The following DTNA variants were observed in gnomAD, a reference collection of about 807,000 sequenced individuals.
DTNA encodes dystrophin-related protein 3.
Under a neutral mutation model 100.7 loss-of-function variants are expected in DTNA, and 43 were observed. That is an observed-to-expected ratio of 0.43 (90% CI 0.33 to 0.55). The LOEUF (loss-of-function observed/expected upper bound fraction) is 0.55. Ranked by LOEUF, DTNA falls within the 20% of genes least tolerant of loss-of-function variation. DTNA has a pLI of 0.04. For synonymous variants in DTNA, 349 were observed against 347.9 expected (o/e 1.00, Z -0.04); for missense variants, 798 against 953.9 (o/e 0.84, Z 2.15).
intron 1 of DTNA, among the ~76,000 whole-genome samples, chr18:34,509,663 A>C (rs113999816): frequency 0.015 from 2,329 of 152,248 alleles, 66 homozygotes; most frequent in African/African-American, 0.054. Context: ...ATTTCAAATC[A>C]TCTAGCTGTT....
At chr18:34,603,155 C>G (rs1176317112) in intron 1 of DTNA, among the ~76,000 whole-genome samples, 2 of 151,568 alleles carry the variant, frequency 1.3e-5, no homozygotes, top group African/African-American at 4.8e-5. Context: ...GAGTTTGAGG[C>G]AGTAGTGTTT....
At chr18:34,506,817 T>G (rs2040537889) in intron 1 of DTNA, among the ~76,000 whole-genome samples, 1 of 152,212 alleles carries the variant, frequency 6.6e-6, no homozygotes, top group South Asian at 2.1e-4. Flanking sequence ...TCTTTGTATG[T>G]TTATTTAATA....
At chr18:34,797,210 T>C (rs1356959290) in intron 4 of DTNA, among the ~76,000 whole-genome samples, 1 of 152,198 alleles carries the variant, frequency 6.6e-6, no homozygotes, top group African/African-American at 2.4e-5. Flanking sequence ...AAAATGGCTG[T>C]ATTCCTGGGA....
chr18:34,621,838 T>A (rs1251134822), intron 1 of DTNA, among the ~76,000 whole-genome samples: 1 of 152,198 alleles, frequency 6.6e-6, no homozygotes, highest in Non-Finnish European at 1.5e-5. Flanking sequence ...AAAAAATAAG[T>A]ATATGAAGTG....
At chr18:34,533,168 C>G (rs1568603465) in intron 1 of DTNA, among the ~76,000 whole-genome samples, 1 of 151,452 alleles carries the variant, frequency 6.6e-6, no homozygotes, top group Non-Finnish European at 1.5e-5. Context: ...GTCAGAAGTT[C>G]ACGACCAGCC....
intron 1 of DTNA, among the ~76,000 whole-genome samples, chr18:34,530,011 G>A (rs1000559795): frequency 6.6e-6 from 1 of 152,114 alleles, no homozygotes. Context: ...ATGATAGTGT[G>A]TACCTTTCAT....
At chr18:34,538,972 C>T (rs931618625) in intron 1 of DTNA, among the ~76,000 whole-genome samples, 1 of 151,778 alleles carries the variant, frequency 6.6e-6, no homozygotes, top group African/African-American at 2.4e-5. Flanking sequence ...ATACCACACT[C>T]AGAGAAAAAT....
intron 1 of DTNA, among the ~76,000 whole-genome samples, chr18:34,502,264 T>A (rs2040006173): frequency 6.6e-6 from 1 of 152,222 alleles, no homozygotes; most frequent in African/African-American, 2.4e-5. Context: ...CTCTCTTTTC[T>A]GTCAGTTTTG....
In DTNA at chr18:34,765,917, C is replaced by T. The variant is rs770357805; in HGVS notation, c.68-44C>T. 22 of 1,584,078 alleles carry T rather than the reference C, an allele frequency of 1.4e-5. No homozygotes were observed. In the East Asian group the frequency reaches 4.5e-4, roughly 32 times the overall value. On this transcript the variant is annotated intron_variant, in intron 2 of 22. Coordinates refer to ENST00000444659, the MANE Select transcript of DTNA (RefSeq NM_001386795.1). Reference sequence around the variant, plus strand: ...ATTTGTAAACATTGTAAATTTCTTTCTGCACACATGGCATACCTTATGTGT... The same window carrying T: ...ATTTGTAAACATTGTAAATTTCTTTTTGCACACATGGCATACCTTATGTGT...
intron 1 of DTNA, among the ~76,000 whole-genome samples, chr18:34,733,702 C>A (rs2088863583): frequency 6.6e-6 from 1 of 152,178 alleles, no homozygotes; most frequent in Non-Finnish European, 1.5e-5. Flanking sequence ...ATCTTCTGGA[C>A]CCTCCCAGCT....
Position 34,838,826 on chromosome 18 carries a change from C to A in DTNA, c.1335C>A (p.Asn445Lys). Residue 445 changes from asparagine to lysine, a missense_variant, in exon 13 of 23, where the codon AAC becomes AAA. By Grantham distance (94) the Asn-to-Lys change is moderately conservative. This residue lies in a region of DTNA where 159 missense variants were observed against 201.2 expected (regional missense o/e 0.79). Transcript: ENST00000444659. ...LIGLYVNMLR[N>K]NPSCMLESSN... ...GGTTGTATGTCAACATGCTCCGGAA[C>A]AACCCCTCATGGTTAGTGCAGGTTT... is the stretch of plus-strand genomic sequence containing the variant. The A allele has an allele frequency of 1.2e-6, 2 of 1,613,618 alleles. No homozygotes were observed. The highest frequency in any genetic ancestry group is 1.7e-6 in the Non-Finnish European group (2 of 1,179,660).
intron 1 of DTNA, among the ~76,000 whole-genome samples, chr18:34,543,878 A>G (rs991672283): frequency 1.3e-5 from 2 of 152,120 alleles, no homozygotes; most frequent in Non-Finnish European, 2.9e-5. Context: ...ACCCATAAAA[A>G]TGAGAAAAAT....
At chr18:34,499,328 A>G (rs781118310) in intron 1 of DTNA, among the ~76,000 whole-genome samples, 2 of 152,194 alleles carry the variant, frequency 1.3e-5, no homozygotes, top group Non-Finnish European at 2.9e-5. Context: ...ACTGCATTTT[A>G]TTGCTGAATA....
At chr18:34,753,759 A>G (rs1379743397) in intron 1 of DTNA, among the ~76,000 whole-genome samples, 1 of 152,122 alleles carries the variant, frequency 6.6e-6, no homozygotes, top group South Asian at 2.1e-4. Flanking sequence ...TCTATCCTCT[A>G]TCTCTCTTAC....
chr18:34,690,621 A>G (rs2079616444), intron 1 of DTNA, among the ~76,000 whole-genome samples: 1 of 152,188 alleles, frequency 6.6e-6, no homozygotes, highest in Non-Finnish European at 1.5e-5. Flanking sequence ...ACTTGTTCTC[A>G]AGTAATTCAG....
chr18:34,512,194 G>A (rs1365531579), intron 1 of DTNA, among the ~76,000 whole-genome samples: 1 of 151,902 alleles, frequency 6.6e-6, no homozygotes, highest in Non-Finnish European at 1.5e-5. Flanking sequence ...TGTGTTATGG[G>A]ACAGCAATGT....
intron 1 of DTNA, among the ~76,000 whole-genome samples, chr18:34,642,663 A>G (rs1276052224): frequency 6.6e-6 from 1 of 151,416 alleles, no homozygotes; most frequent in Non-Finnish European, 1.5e-5. Flanking sequence ...GGTTCAAGCA[A>G]CTCTTCTGCC....
chr18:34,628,562 C>T (rs1171767435), intron 1 of DTNA, among the ~76,000 whole-genome samples: 4 of 152,152 alleles, frequency 2.6e-5, no homozygotes. Context: ...ATAAATCTTG[C>T]TTGATGCCTT....
At position 34,775,543 on chromosome 18, in the gene DTNA, G is replaced by A. The variant is rs139190564; in HGVS notation, c.148+9502G>A. On this transcript the variant is annotated intron_variant, in intron 3 of 22. Coordinates refer to ENST00000444659, the MANE Select transcript of DTNA (RefSeq NM_001386795.1). ...AAGCAGAGAGTTTTATCTGGCAGCC[G>A]TAGAAGAGAAAATCAGACGTTTGAA... Among the ~76,000 whole-genome samples, 960 of 152,270 alleles carry A rather than the reference G, an allele frequency of 6.3e-3. 6 individuals carry two copies. The highest frequency in any genetic ancestry group is 0.012 in the African/African-American group (508 of 41,582).
Sources: gnomAD v4.1 joint callset for allele counts (sites outside exome capture counted in the v4.1 genomes callset) on GRCh38, gnomAD v4.1.1 for gene constraint, gnomAD v4.1.1 regional missense constraint, MANE v1.5 for transcripts, NCBI Gene and HGNC (gene_info 2026-07-23, HGNC 2026-07-21) for gene names.